Variants in TMEM181 observed in about 807,000 individuals in gnomAD.
The protein encoded by TMEM181 is G protein-coupled receptor 178.
Under a neutral mutation model 71.9 loss-of-function variants are expected in TMEM181, and 39 were observed. The ratio of observed to expected loss-of-function variants is 0.54; its 90% CI spans 0.42 to 0.71. TMEM181 has a LOEUF of 0.71. Among genes scored for constraint, TMEM181 ranks in the 30% least tolerant of loss-of-function variants. TMEM181 has a pLI of 0.00. For missense variants in TMEM181, 595 were observed against 583.0 expected (o/e 1.02, Z -0.21); for synonymous variants, 245 against 228.8 (o/e 1.07, Z -0.64).
intron 3 of TMEM181, among the ~76,000 whole-genome samples, chr6:158,581,291 G>A (rs1310225690): frequency 1.3e-5 from 2 of 152,328 alleles, no homozygotes; most frequent in East Asian, 1.9e-4. Flanking sequence ...GCCTCTGTAA[G>A]TCCTATCAGA....
In TMEM181 at chr6:158,573,458, A is replaced by G. The variant is rs1219775721; in HGVS notation, c.47A>G (p.His16Arg). The change falls in exon 2 of 17, where the codon CAC (histidine) becomes CGC (arginine). Residue 16 changes from histidine (H) to arginine (R), a missense_variant. Coordinates refer to ENST00000684151, the MANE Select transcript of TMEM181 (RefSeq NM_001376852.1). ...PMRLYTLSKR[H>R]FVLVFVVFFI... ...CGGCTCTACACGCTCTCCAAGCGCC[A>G]CTTTGTCCTCGTGTTTGTCGTCTTC... 1 of 1,602,858 alleles carries G rather than the reference A, an allele frequency of 6.2e-7. No homozygotes were observed. The highest frequency in any genetic ancestry group is 1.1e-5 in the South Asian group (1 of 89,036).
intron 1 of TMEM181, among the ~76,000 whole-genome samples, chr6:158,555,069 A>C (rs1210741024): frequency 6.6e-6 from 1 of 152,236 alleles, no homozygotes; most frequent in Non-Finnish European, 1.5e-5. Flanking sequence ...AAGGAAAACA[A>C]ACTCTCCAAA....
intron 1 of TMEM181, among the ~76,000 whole-genome samples, chr6:158,544,332 TC>T (rs1169332209): frequency 6.6e-6 from 1 of 151,814 alleles, no homozygotes; most frequent in Non-Finnish European, 1.5e-5. Flanking sequence ...AGTCTAGTGT[TC>T]CAGGAAACCC....
intron 5 of TMEM181, among the ~76,000 whole-genome samples, chr6:158,585,677 T>C (rs1037685475): frequency 7.2e-5 from 11 of 152,226 alleles, no homozygotes; most frequent in African/African-American, 2.7e-4. Flanking sequence ...CACATATGCA[T>C]GCACACACAT....
chr6:158,549,146 C>T lies in TMEM181; in HGVS notation c.131+12281C>T, dbSNP rs933954680. Among the ~76,000 whole-genome samples, 38 of 126,394 alleles carry T rather than the reference C, an allele frequency of 3.0e-4. No individual in the cohort carries two copies. In the Admixed American group the frequency reaches 3.4e-3, roughly 11 times the overall value. 82.9% of individuals were successfully genotyped at this position (126,394 alleles called of 152,430 possible). On this transcript the variant is annotated intron_variant, in intron 1 of 16. Coordinates refer to the TMEM181 transcript ENST00000367090. The stretch of plus-strand genomic sequence containing the variant: ...TTTTTTTTTTTTTTTGAGACAGGGT[C>T]TCTCTCTGTTGCCCAGGCTGGAGCC...
chr6:158,555,687 G>A (rs117417501), upstream of TMEM181, among the ~76,000 whole-genome samples: 2,783 of 152,304 alleles, frequency 0.018, 39 homozygotes, highest in Non-Finnish European at 0.028. Flanking sequence ...GCTAGCTGGA[G>A]TCCCAGAAGA....
At chr6:158,538,534 G>A (rs568744124) in intron 1 of TMEM181, among the ~76,000 whole-genome samples, 1 of 151,970 alleles carries the variant, frequency 6.6e-6, no homozygotes, top group East Asian at 1.9e-4. Context: ...TGATCGCAGT[G>A]CAAATAGTCG....
chr6:158,586,051 C>T (rs999092289), intron 5 of TMEM181, among the ~76,000 whole-genome samples: 28 of 152,210 alleles, frequency 1.8e-4, no homozygotes, highest in Non-Finnish European at 4.0e-4. Context: ...GATGCATGCC[C>T]TAATCCGTCT....
chr6:158,562,476 CTT>C (rs1491108411), intron 1 of TMEM181, among the ~76,000 whole-genome samples: 9,920 of 126,344 alleles, frequency 0.079, 616 homozygotes, highest in Admixed American at 0.22. Context: ...GTGTGTGTGT[CTT>C]GCTTGGCACG....
chr6:158,622,997 A>G (rs1329990881), intron 10 of TMEM181, among the ~76,000 whole-genome samples: 1 of 152,188 alleles, frequency 6.6e-6, no homozygotes, highest in Non-Finnish European at 1.5e-5. Flanking sequence ...CCTGGTTCAC[A>G]TGAATAGGAC....
At chr6:158,616,280 T>G (rs1306792732) in intron 10 of TMEM181, among the ~76,000 whole-genome samples, 1 of 25,056 alleles carries the variant, frequency 4.0e-5, no homozygotes, top group African/African-American at 2.3e-4. Context: ...ATTTGGCTCT[T>G]TGTTTGTCTG....
At chr6:158,557,505 ATTATT>A (rs1237041927), upstream of TMEM181, among the ~76,000 whole-genome samples, 3 of 146,834 alleles carry the variant, frequency 2.0e-5, no homozygotes, top group African/African-American at 7.6e-5. Flanking sequence ...CACAGCTGTA[ATTATT>A]TATTTATTTA....
In TMEM181 at chr6:158,616,562, C is replaced by T. The variant is rs543271151; in HGVS notation, c.897-6988C>T. Among the ~76,000 whole-genome samples, 1,266 of 152,228 alleles carry T rather than the reference C, an allele frequency of 8.3e-3. 9 individuals are homozygous for T. Among genetic ancestry groups the T allele is most frequent in the Non-Finnish European group, 0.015 (1,022 of 68,024 alleles). ...GAGAGAGGGCATCCCTGTCTTGTGC[C>T]AGTTTTCAAAGGGAATGCTTCCAGT... On this transcript the variant is annotated intron_variant, in intron 10 of 16. Coordinates refer to ENST00000684151, the MANE Select transcript of TMEM181 (RefSeq NM_001376852.1).
intron 1 of TMEM181, among the ~76,000 whole-genome samples, chr6:158,538,913 A>AG: frequency 1.3e-5 from 2 of 152,220 alleles, no homozygotes; most frequent in Non-Finnish European, 2.9e-5. Context: ...GCACAGATGG[A>AG]AGACCAGCGA....
rs761695134 is a variant in TMEM181 at position 158,571,453 on chromosome 6, C to T, written c.9-1967C>T. Among the ~76,000 whole-genome samples, 12 of 134,442 alleles carry T rather than the reference C, an allele frequency of 8.9e-5. 2 individuals are homozygous for T. Among genetic ancestry groups the T allele is most frequent in the Admixed American group, 4.5e-4 (6 of 13,478 alleles). The allele number at this position is 134,442 out of a possible 152,430, so 88.2% of individuals were successfully genotyped here. A position where few individuals can be genotyped will look rare whatever the true frequency, so the allele number is the denominator to read the frequency against. ...CTGAGATTACAGGCCTGAGCCACCA[C>T]GCCTGGCTGCTAATTTTTGTATTTT... On this transcript the variant is annotated intron_variant, in intron 1 of 16. Transcript: ENST00000684151.
chr6:158,589,176 G>A (rs1033758889), intron 5 of TMEM181, among the ~76,000 whole-genome samples: 3 of 152,236 alleles, frequency 2.0e-5, no homozygotes, highest in Non-Finnish European at 4.4e-5. Flanking sequence ...AGGGTGGAGA[G>A]AGCAGGATGG....
At chr6:158,564,276 C>G (rs548353285) in intron 1 of TMEM181, among the ~76,000 whole-genome samples, 1 of 152,326 alleles carries the variant, frequency 6.6e-6, no homozygotes, top group Admixed American at 6.5e-5. Context: ...CTGCCCCGAC[C>G]TCCACATTCT....
upstream of TMEM181, among the ~76,000 whole-genome samples, chr6:158,559,407 C>G (rs1175644254): frequency 1.3e-5 from 2 of 152,198 alleles, no homozygotes; most frequent in Non-Finnish European, 2.9e-5. Context: ...TTATTTAACT[C>G]ATGCAGACCG....
At chr6:158,560,605 C>T (rs1300132492) in intron 1 of TMEM181, among the ~76,000 whole-genome samples, 1 of 152,138 alleles carries the variant, frequency 6.6e-6, no homozygotes, top group Non-Finnish European at 1.5e-5. Flanking sequence ...GCCTCCCGGG[C>T]AGCCTCTCCT....
Sources: allele counts gnomAD v4.1 joint callset (sites outside exome capture counted in the v4.1 genomes callset), GRCh38; gene constraint gnomAD v4.1.1; transcripts MANE v1.5; gene names NCBI Gene and HGNC (gene_info 2026-07-23, HGNC 2026-07-21).